Variants in LIFR observed in about 807,000 individuals in gnomAD.
The protein encoded by LIFR is leukemia inhibitory factor receptor.
LIFR carries 84 observed loss-of-function variants against 122.2 expected under a neutral mutation model. The ratio of observed to expected loss-of-function variants is 0.69; its 90% confidence interval spans 0.58 to 0.82. The LOEUF (loss-of-function observed/expected upper bound fraction) is 0.82, where lower values mean the gene tolerates loss of function less well. Ranked by LOEUF, LIFR falls within the 40% of genes least tolerant of loss-of-function variation. The pLI, the probability that LIFR is intolerant of heterozygous loss-of-function variation, is 0.00. For synonymous variants in LIFR, 422 were observed against 434.7 expected, an observed-to-expected ratio of 0.97 and a Z score of 0.36; for missense variants, 1,294 against 1,311.6, an observed-to-expected ratio of 0.99 and a Z score of 0.21.
chr5:38,602,371 G>A (rs1750237618), intron 2 of LIFR, among the ~76,000 whole-genome samples: 2 of 152,186 alleles, frequency 1.3e-5, no homozygotes, highest in South Asian at 4.1e-4. Flanking sequence ...TGACCATGCT[G>A]TTTCACAATT....
intron 1 of LIFR, among the ~76,000 whole-genome samples, chr5:38,574,461 A>G (rs1440043386): frequency 6.6e-6 from 1 of 152,182 alleles, no homozygotes; most frequent in African/African-American, 2.4e-5. Context: ...AGTAAAATCA[A>G]TGAGGACAAG....
At chr5:38,490,600 AT>A (rs758871475) in intron 14 of LIFR, 2,738 of 153,386 alleles carry the variant, frequency 0.018, no homozygotes, top group South Asian at 0.043. Flanking sequence ...TCATTGCTTG[AT>A]TTTTTTTTTT....
chr5:38,588,562 C>T (rs1749822903), intron 1 of LIFR, among the ~76,000 whole-genome samples: 1 of 152,080 alleles, frequency 6.6e-6, no homozygotes. Context: ...TTAAATGTTA[C>T]ATGTGGTTGG....
intron 5 of LIFR, among the ~76,000 whole-genome samples, chr5:38,512,255 A>C (rs1345117544): frequency 2.0e-5 from 3 of 152,118 alleles, no homozygotes; most frequent in Admixed American, 2.0e-4. Context: ...TTGGGACCAC[A>C]AGTGTGTTGG....
At chr5:38,522,314 C>T (rs1185218342) in intron 5 of LIFR, among the ~76,000 whole-genome samples, 1 of 152,184 alleles carries the variant, frequency 6.6e-6, no homozygotes, top group African/African-American at 2.4e-5. Flanking sequence ...GGCTGCCTCA[C>T]TTTCCTCTTC....
chr5:38,495,446 C>A (rs1168616184), intron 13 of LIFR, among the ~76,000 whole-genome samples: 1 of 152,214 alleles, frequency 6.6e-6, no homozygotes, highest in African/African-American at 2.4e-5. Context: ...GCATCTCCAG[C>A]AGCACTGCTG....
At chr5:38,535,056 C>T (rs1747222020) in intron 1 of LIFR, among the ~76,000 whole-genome samples, 1 of 152,134 alleles carries the variant, frequency 6.6e-6, no homozygotes, top group Admixed American at 6.5e-5. Context: ...GAAGCTACTG[C>T]AGGACATGAC....
At chr5:38,508,930 T>C (rs957558744) in intron 7 of LIFR, among the ~76,000 whole-genome samples, 2 of 152,122 alleles carry the variant, frequency 1.3e-5, no homozygotes, top group Admixed American at 6.6e-5. Flanking sequence ...TAACAGGATA[T>C]CCATAAAGAA....
At chr5:38,507,161 C>T (rs1169639569) in intron 7 of LIFR, among the ~76,000 whole-genome samples, 5 of 152,058 alleles carry the variant, frequency 3.3e-5, no homozygotes, top group Non-Finnish European at 7.4e-5. Context: ...AAACTGACTG[C>T]GGCTCTTTTG....
intron 16 of LIFR, among the ~76,000 whole-genome samples, chr5:38,486,295 A>G (rs913536890): frequency 1.3e-5 from 2 of 152,212 alleles, no homozygotes; most frequent in Non-Finnish European, 2.9e-5. Context: ...GGCAATCAAT[A>G]ATAGTCCCAT....
chr5:38,558,690 C>T (rs1580190211), upstream of LIFR: 1 of 152,276 alleles, frequency 6.6e-6, no homozygotes, highest in Admixed American at 6.5e-5. Flanking sequence ...ACTTAACAAT[C>T]GTGGTGGAAG....
intron 1 of LIFR, among the ~76,000 whole-genome samples, chr5:38,568,669 C>A (rs1240782394): frequency 6.6e-6 from 1 of 152,148 alleles, no homozygotes; most frequent in Non-Finnish European, 1.5e-5. Context: ...GGTTGGGCAT[C>A]ATCTATGACT....
At chr5:38,493,574 G>C in intron 14 of LIFR, 32 bp downstream of exon 14, 2 of 1,593,620 alleles carry the variant, frequency 1.3e-6, no homozygotes, top group South Asian at 1.1e-5. Context: ...ATATTTTGTA[G>C]AACTTAATTG....
At chr5:38,599,692 T>G (rs1324100960), upstream of LIFR, among the ~76,000 whole-genome samples, 1 of 152,176 alleles carries the variant, frequency 6.6e-6, no homozygotes, top group Non-Finnish European at 1.5e-5. Flanking sequence ...CTCCTTGGTG[T>G]TGGGGACAGC....
chr5:38,587,616 T>C (rs1333610344), intron 1 of LIFR, among the ~76,000 whole-genome samples: 1 of 152,006 alleles, frequency 6.6e-6, no homozygotes, highest in Admixed American at 6.6e-5. Context: ...TTAAAGATGG[T>C]GGTGGTGGTG....
At chr5:38,577,834 T>A (rs78759763) in intron 1 of LIFR, among the ~76,000 whole-genome samples, 1 of 152,190 alleles carries the variant, frequency 6.6e-6, no homozygotes, top group South Asian at 2.1e-4. Context: ...TTGAACAACA[T>A]AGGCATTTAA....
At chr5:38,559,441 T>A (rs1748749414), upstream of LIFR, among the ~76,000 whole-genome samples, 1 of 152,220 alleles carries the variant, frequency 6.6e-6, no homozygotes, top group Non-Finnish European at 1.5e-5. Flanking sequence ...CCATATGGAC[T>A]CCTGAAGGAA....
intron 18 of LIFR, among the ~76,000 whole-genome samples, chr5:38,483,953 C>T (rs924814083): frequency 6.6e-6 from 1 of 152,290 alleles, no homozygotes; most frequent in Admixed American, 6.5e-5. Context: ...GCCAGGTGAC[C>T]ATGCACATGG....
intron 3 of LIFR, 154 bp downstream of exon 3, chr5:38,528,572 G>T: frequency 3.0e-6 from 2 of 676,676 alleles, no homozygotes; most frequent in South Asian, 1.7e-5. Flanking sequence ...GTGCCCTACA[G>T]GAGAAAAATG....
Sources: gnomAD v4.1 joint callset for allele counts (sites outside exome capture counted in the v4.1 genomes callset) on GRCh38, gnomAD v4.1.1 for gene constraint, MANE v1.5 for transcripts, NCBI Gene and HGNC (gene_info 2026-07-23, HGNC 2026-07-21) for gene names.